The following TMTC1 variants were observed in gnomAD, a reference collection of about 807,000 sequenced individuals.
TMTC1 encodes protein O-mannosyl-transferase TMTC1.
In TMTC1, 73 loss-of-function variants were observed where a neutral mutation model predicts 104.8. The observed-to-expected ratio is 0.70, with a 90% CI of 0.58 to 0.85. The LOEUF is 0.85. Among genes scored for constraint, TMTC1 ranks in the 40% least tolerant of loss-of-function variants. TMTC1 has a pLI of 0.00. For missense variants in TMTC1, 1,035 were observed against 1,096.1 expected (o/e 0.94, Z 0.79); for synonymous variants, 434 against 428.7 (o/e 1.01, Z -0.15).
rs781303766 is a variant in TMTC1 at position 29,661,361 on chromosome 12, C to T, written c.939-28025G>A. On this transcript the variant is annotated intron_variant, in intron 5 of 17. Coordinates refer to ENST00000539277, the MANE Select transcript of TMTC1 (RefSeq NM_001193451.2). ...TCCAATGTCTTCCATCCACAAAATA[C>T]CTCACAGATCTCTTACCTCTAAAAA... 150 of 979,678 alleles carry T rather than the reference C, an allele frequency of 1.5e-4. 1 individual carries two copies. The highest frequency in any genetic ancestry group is 4.6e-4 in the East Asian group (4 of 8,778). The allele number at this position is 979,678 out of a possible 1,614,324, so 60.7% of individuals were successfully genotyped here. A position where few individuals can be genotyped will look rare whatever the true frequency, so the allele number is the denominator to read the frequency against.
intron 5 of TMTC1, among the ~76,000 whole-genome samples, chr12:29,656,566 G>A (rs771114537): frequency 1.3e-5 from 2 of 151,752 alleles, no homozygotes; most frequent in Non-Finnish European, 2.9e-5. Flanking sequence ...TGTTGGCCAG[G>A]CTGATATTTT....
At chr12:29,739,381 T>C (rs1249060455) in intron 5 of TMTC1, among the ~76,000 whole-genome samples, 1 of 152,190 alleles carries the variant, frequency 6.6e-6, no homozygotes. Context: ...GCTTTCTGCC[T>C]GGAGATACTA....
intron 7 of TMTC1, among the ~76,000 whole-genome samples, chr12:29,585,345 T>C (rs528596627): frequency 1.5e-4 from 23 of 152,348 alleles, no homozygotes; most frequent in Middle Eastern, 3.4e-3. Context: ...TATTAGCCCT[T>C]TGTCAGATGA....
At chr12:29,600,843 A>C (rs1946545765) in intron 7 of TMTC1, among the ~76,000 whole-genome samples, 1 of 152,180 alleles carries the variant, frequency 6.6e-6, no homozygotes, top group African/African-American at 2.4e-5. Flanking sequence ...TTAGTCCAGG[A>C]TTCACTAAGC....
intron 14 of TMTC1, 91 bp downstream of exon 14, chr12:29,517,336 C>T: frequency 7.0e-7 from 1 of 1,433,670 alleles, no homozygotes; most frequent in Non-Finnish European, 9.6e-7. Context: ...TTACGGCATT[C>T]CAGCTCCAGT....
At chr12:29,542,846 C>T (rs1013809985) in intron 10 of TMTC1, among the ~76,000 whole-genome samples, 1 of 152,076 alleles carries the variant, frequency 6.6e-6, no homozygotes, top group East Asian at 1.9e-4. Flanking sequence ...CAGAGTAGAA[C>T]TCTGGGGTAA....
intron 11 of TMTC1, among the ~76,000 whole-genome samples, chr12:29,525,453 T>C (rs892367522): frequency 6.6e-6 from 1 of 151,984 alleles, no homozygotes; most frequent in African/African-American, 2.4e-5. Flanking sequence ...CCCAAAATAC[T>C]GGGATTGCAG....
rs12826354 is a variant in TMTC1, at chr12:29,621,064, T to C, written c.1128+12083A>G. Among the ~76,000 whole-genome samples, 645 of 152,238 alleles carry C rather than the reference T, an allele frequency of 4.2e-3. 2 individuals carry two copies. The highest frequency in any genetic ancestry group is 5.9e-3 in the Non-Finnish European group (403 of 68,022). On this transcript the variant is annotated intron_variant, in intron 6 of 17. Coordinates refer to ENST00000539277, the MANE Select transcript of TMTC1 (RefSeq NM_001193451.2). ...TATAATAGCACGAAGAGGATTTTCA[T>C]GAATTGAGGTTACAAAAAGAATAGA...
rs191343204 is a variant in TMTC1 at position 29,523,596 on chromosome 12, G to T, written c.1786-2876C>A. Among the ~76,000 whole-genome samples the T allele has an allele frequency of 7.2e-5, 11 of 152,272 alleles. No homozygotes were observed. The East Asian group carries it at 2.1e-3, about 29-fold the overall frequency. ...AATGCTCCCCTCAAAATTGAGAGGT[G>T]AACCAAAACTGTAGGCATTGATTTC... is the stretch of plus-strand genomic sequence containing the variant. On this transcript the variant is annotated intron_variant, in intron 11 of 17. Coordinates refer to ENST00000539277, the MANE Select transcript of TMTC1 (RefSeq NM_001193451.2).
intron 5 of TMTC1, among the ~76,000 whole-genome samples, chr12:29,686,798 C>T (rs1941108486): frequency 6.6e-6 from 1 of 152,168 alleles, no homozygotes; most frequent in Non-Finnish European, 1.5e-5. Context: ...CCTTTTTTAT[C>T]ATTCACAAAA....
At chr12:29,751,529 G>C in intron 5 of TMTC1, 137 bp downstream of exon 5, 2 of 846,246 alleles carry the variant, frequency 2.4e-6, no homozygotes, top group Non-Finnish European at 2.0e-6. Context: ...CAGGAAGAAG[G>C]GGGTAAGGAG....
intron 5 of TMTC1, chr12:29,666,250 C>T (rs190101456): frequency 1.4e-3 from 526 of 364,258 alleles, no homozygotes; most frequent in Non-Finnish European, 2.3e-3. Flanking sequence ...TTTTTGGAGA[C>T]GGAGTCTCGC....
At chr12:29,513,165 C>G (rs1160891595) in intron 16 of TMTC1, among the ~76,000 whole-genome samples, 1 of 152,088 alleles carries the variant, frequency 6.6e-6, no homozygotes, top group Non-Finnish European at 1.5e-5. Flanking sequence ...TGACTTTGAG[C>G]AAGATATGAC....
Position 29,514,540 on chromosome 12 carries a change from A to T in TMTC1, c.2372T>A (p.Leu791His), listed in dbSNP as rs200880449. 1 of 1,614,102 alleles carries T rather than the reference A, an allele frequency of 6.2e-7. No individual in the cohort carries two copies. Among genetic ancestry groups the T allele is most frequent in the South Asian group, 1.1e-5 (1 of 91,084 alleles). The change falls in exon 16 of 18, where the codon CTT becomes CAT. Residue 791 changes from leucine (L) to histidine (H), a missense_variant. By Grantham distance (99) the Leu-to-His change is moderately conservative. Coordinates refer to ENST00000539277, the MANE Select transcript of TMTC1 (RefSeq NM_001193451.2). ...TAATTGGTTTCCTTTTGTGAAAAAA[A>T]GTTCAGAAATGACTTTTGGGTCCTT... Reference protein sequence around the residue: ...KPKDPKVISELFFTKGNQLRE... With the variant: ...KPKDPKVISEHFFTKGNQLRE...
At position 29,783,910 on chromosome 12, in the gene TMTC1, T is replaced by A; in HGVS notation, c.-159A>T. ...GAGCTCCCCGCGCTCCGCCGCCGCC[T>A]GCGCCGCGGAGTTGGCCCAGCTGCA... On this transcript the variant is annotated 5_prime_UTR_variant, in exon 1 of 18. Coordinates refer to ENST00000539277, the MANE Select transcript of TMTC1 (RefSeq NM_001193451.2). The surrounding 1 kb of genome is among the most constrained non-coding windows in gnomAD (Gnocchi z 4.7). The A allele has an allele frequency of 3.0e-6, 2 of 657,028 alleles. No individual in the cohort carries two copies. Among genetic ancestry groups the A allele is most frequent in the Non-Finnish European group, 1.9e-6 (1 of 519,832 alleles). 40.7% of individuals were successfully genotyped at this position (657,028 alleles called of 1,614,324 possible). A position where few individuals can be genotyped will look rare whatever the true frequency, so the allele number is the denominator to read the frequency against.
intron 5 of TMTC1, among the ~76,000 whole-genome samples, chr12:29,721,644 G>T (rs1378239905): frequency 6.6e-6 from 1 of 151,922 alleles, no homozygotes; most frequent in Non-Finnish European, 1.5e-5. Flanking sequence ...AGATCAAAAA[G>T]ATCAATAACA....
At chr12:29,758,670 G>A (rs775837938) in intron 3 of TMTC1, 34 bp downstream of exon 3, 48 of 1,598,980 alleles carry the variant, frequency 3.0e-5, no homozygotes, top group African/African-American at 4.0e-5. Context: ...GCACAGTTGC[G>A]ATCACAGAGA....
rs1474618059 is a variant in TMTC1, at chr12:29,783,475, G to C, written c.277C>G (p.Arg93Gly). The change falls in exon 1 of 18, where the codon CGG becomes GGG. Residue 93 changes from arginine to glycine, a missense_variant. Transcript: ENST00000539277. The surrounding 1 kb of genome is among the most constrained non-coding windows in gnomAD (Gnocchi z 4.7). ...TTGAAGGTGAGGACGCAGAGCGGCC[G>C]GTAGGACTTGTGGCTGGTGTTCTCG... ...MAENTSHKSY[R>G]PLCVLTFKLN... 1 of 1,351,222 alleles carries C rather than the reference G, an allele frequency of 7.4e-7. No homozygotes were observed. Among genetic ancestry groups the C allele is most frequent in the South Asian group, 1.8e-5 (1 of 56,808 alleles). 83.7% of individuals were successfully genotyped at this position (1,351,222 alleles called of 1,614,324 possible). A position where few individuals can be genotyped will look rare whatever the true frequency, so the allele number is the denominator to read the frequency against.
At chr12:29,658,690 C>T (rs777968347) in intron 5 of TMTC1, 23 of 214,454 alleles carry the variant, frequency 1.1e-4, no homozygotes, top group Non-Finnish European at 2.3e-4. Context: ...ACAATATCAC[C>T]TTTCTTATAG....
Sources: allele counts gnomAD v4.1 joint callset (sites outside exome capture counted in the v4.1 genomes callset), GRCh38; gene constraint gnomAD v4.1.1; non-coding constraint Gnocchi (gnomAD v3.1); transcripts MANE v1.5; gene names NCBI Gene and HGNC (gene_info 2026-07-23, HGNC 2026-07-21).